Variants in RYR3 observed in about 807,000 individuals in gnomAD.
The protein encoded by RYR3 is ryanodine receptor 3.
A neutral mutation model predicts 584.3 loss-of-function variants in RYR3; 207 were observed. The ratio of observed to expected loss-of-function variants is 0.35; its 90% CI spans 0.32 to 0.40. The LOEUF (loss-of-function observed/expected upper bound fraction) is 0.40. Ranked by LOEUF, RYR3 falls within the 10% of genes least tolerant of loss-of-function variation. The pLI, the probability that RYR3 is intolerant of heterozygous loss-of-function variation, is 1.00. For synonymous variants in RYR3, 2,416 were observed against 2,248.5 expected (o/e 1.07, Z -2.11); for missense variants, 5,616 against 6,089.2 (o/e 0.92, Z 2.59).
intron 10 of RYR3, among the ~76,000 whole-genome samples, chr15:33,557,295 G>A (rs2057129414): frequency 6.6e-6 from 1 of 152,216 alleles, no homozygotes; most frequent in South Asian, 2.1e-4. Flanking sequence ...TGGTGAATTC[G>A]CGTGATGGCA....
At chr15:33,470,474 A>AT (rs969629534) in intron 1 of RYR3, among the ~76,000 whole-genome samples, 4 of 152,290 alleles carry the variant, frequency 2.6e-5, no homozygotes, top group Admixed American at 2.0e-4. Flanking sequence ...AAAAAAAAAA[A>AT]ATCAACAGTC....
At chr15:33,669,993 T>A (rs1345154024) in intron 37 of RYR3, among the ~76,000 whole-genome samples, 2 of 152,090 alleles carry the variant, frequency 1.3e-5, no homozygotes, top group East Asian at 3.9e-4. Flanking sequence ...AGCATTTGTG[T>A]TGCTTGTACA....
chr15:33,691,285 G>A (rs2088142), intron 38 of RYR3, among the ~76,000 whole-genome samples: 71,589 of 152,018 alleles, frequency 0.47, 18,438 homozygotes, highest in Admixed American at 0.58. Context: ...TTATTGGTTC[G>A]TTGAGTTAAT....
intron 1 of RYR3, among the ~76,000 whole-genome samples, chr15:33,431,134 G>C (rs1437335563): frequency 6.6e-6 from 1 of 152,224 alleles, no homozygotes; most frequent in Non-Finnish European, 1.5e-5. Flanking sequence ...TAAGAGGTGA[G>C]TTAGAAGTAT....
chr15:33,832,383 G>A (rs1328990205), intron 86 of RYR3, among the ~76,000 whole-genome samples: 8 of 152,052 alleles, frequency 5.3e-5, no homozygotes, highest in African/African-American at 9.7e-5. Flanking sequence ...GGCCGGGCAC[G>A]GTGGCTCACG....
chr15:33,807,738 T>C lies in RYR3; in HGVS notation c.10026+169T>C, dbSNP rs558003886. The C allele has an allele frequency of 1.7e-4, 116 of 686,814 alleles. No homozygotes were observed. In the East Asian group the frequency reaches 1.7e-3, roughly 10 times the overall value. The allele number at this position is 686,814 out of a possible 1,614,324, so 42.5% of individuals were successfully genotyped here. A position where few individuals can be genotyped will look rare whatever the true frequency, so the allele number is the denominator to read the frequency against. ...ACAACTGCCTGTCAAAGAGTGAATGTAGGCCTACCCACCCTTGGAATGGGG... is the reference window on the plus strand; with the variant it reads ...ACAACTGCCTGTCAAAGAGTGAATGCAGGCCTACCCACCCTTGGAATGGGG... On this transcript the variant is annotated intron_variant, in intron 70 of 103. Coordinates refer to ENST00000634891, the MANE Select transcript of RYR3 (RefSeq NM_001036.6).
intron 45 of RYR3, among the ~76,000 whole-genome samples, chr15:33,725,989 A>T (rs28497849): frequency 7.2e-6 from 1 of 139,204 alleles, no homozygotes; most frequent in East Asian, 2.0e-4. Flanking sequence ...AAAAAAAAAA[A>T]AAAAAAAACA....
chr15:33,589,143 A>G (rs1010772824), intron 16 of RYR3, among the ~76,000 whole-genome samples: 3 of 152,128 alleles, frequency 2.0e-5, no homozygotes, highest in African/African-American at 7.2e-5. Context: ...CTTTTCAATA[A>G]TGGCCATCCT....
chr15:33,633,058 G>A lies in RYR3; in HGVS notation c.2977G>A (p.Val993Ile). The change falls in exon 24 of 104, where the codon GTT becomes ATT. Residue 993 changes from valine (V) to isoleucine (I), a missense_variant. Around this residue, in one of 9 missense-constraint regions of RYR3, gnomAD observed 1,284 missense variants for 1,344.6 expected, o/e 0.95. Transcript: ENST00000634891. ...TAAGCTTGCAGAAAATGCACACAAT[G>A]TTTGGGCAAAAGACAGAATAAAACA... ...VDKLAENAHN[V>I]WAKDRIKQGW... is the part of the protein sequence containing the mutation. The A allele has an allele frequency of 1.2e-6, 2 of 1,614,042 alleles. No homozygotes were observed.
At chr15:33,728,813 T>G (rs1161187420) in intron 46 of RYR3, 44 bp from the exon 47 acceptor site, 4 of 1,569,750 alleles carry the variant, frequency 2.5e-6, no homozygotes, top group African/African-American at 1.4e-5. Context: ...TTTGAGACTT[T>G]GGAGACAGGA....
chr15:33,450,597 AG>A (rs1188521837), intron 1 of RYR3, among the ~76,000 whole-genome samples: 2 of 148,838 alleles, frequency 1.3e-5, no homozygotes, highest in African/African-American at 5.0e-5. Context: ...GAATTTTTTG[AG>A]GGTTCTTTTT....
intron 94 of RYR3, chr15:33,852,799 A>G: frequency 2.4e-6 from 1 of 410,834 alleles, no homozygotes; most frequent in Non-Finnish European, 4.5e-6. Flanking sequence ...CCAAATCATA[A>G]TTCTGAGGCA....
rs372611308 is a variant in RYR3, at chr15:33,670,527, A to T, written c.5831A>T (p.Gln1944Leu). 16 of 1,597,866 alleles carry T rather than the reference A, an allele frequency of 1.0e-5. No individual in the cohort carries two copies. The South Asian group carries it at 1.8e-4, about 18-fold the overall frequency. Residue 1944 changes from glutamine (Q) to leucine (L), a missense_variant, in exon 38 of 104, where the codon CAG becomes CTG. Gln to Leu is a moderately radical substitution (Grantham distance 113). Transcript: ENST00000634891. ...IKGPPKPEKE[Q>L]PTEEEERCPT... ...GGCCCACCCAAGCCAGAGAAGGAGC[A>T]GCCGACGGAGGAGGAGGAGAGATGC...
chr15:33,572,986 A>T (rs2058113446), intron 12 of RYR3, among the ~76,000 whole-genome samples: 1 of 152,174 alleles, frequency 6.6e-6, no homozygotes, highest in African/African-American at 2.4e-5. Context: ...AAAAATAAAT[A>T]AAAAATAAAA....
At chr15:33,444,203 C>A (rs1387977637) in intron 1 of RYR3, among the ~76,000 whole-genome samples, 1 of 152,116 alleles carries the variant, frequency 6.6e-6, no homozygotes, top group African/African-American at 2.4e-5. Context: ...CTGTCACAGA[C>A]CTGTTGTAGA....
chr15:33,694,803 C>T (rs934363758), intron 38 of RYR3, among the ~76,000 whole-genome samples: 1 of 152,202 alleles, frequency 6.6e-6, no homozygotes, highest in African/African-American at 2.4e-5. Flanking sequence ...TTCTCTCTGA[C>T]TTGGGTGTCC....
At chr15:33,691,601 C>T (rs2065439201) in intron 38 of RYR3, among the ~76,000 whole-genome samples, 1 of 152,098 alleles carries the variant, frequency 6.6e-6, no homozygotes, top group East Asian at 1.9e-4. Flanking sequence ...AAATAAGCAG[C>T]TAGTTCAGCT....
intron 76 of RYR3, among the ~76,000 whole-genome samples, chr15:33,819,414 G>A (rs2076989557): frequency 6.6e-6 from 1 of 152,166 alleles, no homozygotes; most frequent in Admixed American, 6.5e-5. Context: ...GCTCATGCCT[G>A]TAATTCCAGC....
In RYR3 at chr15:33,855,028, T is replaced by C. The variant is rs371537896; in HGVS notation, c.14007+116T>C. On this transcript the variant is annotated intron_variant, in intron 98 of 103. Transcript: ENST00000634891. ...AATATGTCTTGGTATATAATGTACTTTTCTTGGCCAAACACTTCAACTAAT... is the reference window on the plus strand; with the variant it reads ...AATATGTCTTGGTATATAATGTACTCTTCTTGGCCAAACACTTCAACTAAT... The C allele has an allele frequency of 3.7e-5, 41 of 1,097,656 alleles. No individual in the cohort carries two copies. The East Asian group carries it at 1.1e-3, about 29-fold the overall frequency. 68.0% of individuals were successfully genotyped at this position (1,097,656 alleles called of 1,614,324 possible).
Sources: gnomAD v4.1 joint callset for allele counts (sites outside exome capture counted in the v4.1 genomes callset) on GRCh38, gnomAD v4.1.1 for gene constraint, gnomAD v4.1.1 regional missense constraint, MANE v1.5 for transcripts, NCBI Gene and HGNC (gene_info 2026-07-23, HGNC 2026-07-21) for gene names.